The following HS3ST4 variants were observed in gnomAD, a reference collection of about 807,000 sequenced individuals.
HS3ST4 encodes heparan sulfate-glucosamine 3-sulfotransferase 4.
In HS3ST4, 17 loss-of-function variants were observed where a neutral mutation model predicts 29.2. The observed-to-expected ratio is 0.58, with a 90% CI of 0.40 to 0.87. The LOEUF is 0.87. Ranked by LOEUF, HS3ST4 falls within the 40% of genes least tolerant of loss-of-function variation. The probability of loss-of-function intolerance (pLI) is 0.00; values close to 1 mark genes in which losing one functional copy is unlikely to be tolerated. For missense variants in HS3ST4, 627 were observed against 634.5 expected (o/e 0.99, Z 0.13); for synonymous variants, 314 against 285.7 (o/e 1.10, Z -1.00).
chr16:25,707,448 G>A (rs1966383064), intron 1 of HS3ST4, among the ~76,000 whole-genome samples: 1 of 151,990 alleles, frequency 6.6e-6, no homozygotes. Context: ...ATATCTATAG[G>A]GTTTTGTATT....
chr16:25,849,664 C>T (rs1362433488), intron 1 of HS3ST4, among the ~76,000 whole-genome samples: 2 of 152,010 alleles, frequency 1.3e-5, no homozygotes, highest in East Asian at 1.9e-4. Context: ...GCTGCCACAT[C>T]CAGCTAATAT....
rs554134894 is a variant in HS3ST4, at chr16:25,860,098, C to T, written c.734+166947C>T. Among the ~76,000 whole-genome samples the T allele has an allele frequency of 1.4e-4, 22 of 152,280 alleles. No individual in the cohort carries two copies. The South Asian group carries it at 4.1e-3, about 29-fold the overall frequency. On this transcript the variant is annotated intron_variant, in intron 1 of 1. Transcript: ENST00000331351. ...GGAACAGTTTCATCCCGAAACCATC[C>T]TCCTACCCCATTCCTGGAAAAATTG...
At chr16:26,092,175 T>C (rs1898865436) in intron 1 of HS3ST4, among the ~76,000 whole-genome samples, 1 of 152,146 alleles carries the variant, frequency 6.6e-6, no homozygotes, top group African/African-American at 2.4e-5. Context: ...GAGGCACTGT[T>C]CAAGGTTCTG....
intron 1 of HS3ST4, among the ~76,000 whole-genome samples, chr16:25,753,574 C>G (rs1298591771): frequency 4.0e-5 from 6 of 151,668 alleles, no homozygotes; most frequent in Non-Finnish European, 7.3e-5. Flanking sequence ...GGTGAGGAAA[C>G]AGAGGCTTAG....
intron 1 of HS3ST4, among the ~76,000 whole-genome samples, chr16:26,082,724 C>A (rs1898738468): frequency 6.6e-6 from 1 of 152,102 alleles, no homozygotes; most frequent in Admixed American, 6.5e-5. Flanking sequence ...AAGCAGCAAA[C>A]CTAGAGCTTT....
At chr16:25,759,664 C>T (rs1163810440) in intron 1 of HS3ST4, among the ~76,000 whole-genome samples, 1 of 152,182 alleles carries the variant, frequency 6.6e-6, no homozygotes, top group South Asian at 2.1e-4. Flanking sequence ...GTGGCCCATG[C>T]CTGTCATTCC....
chr16:25,920,838 G>A (rs4513103), intron 1 of HS3ST4, among the ~76,000 whole-genome samples: 32,988 of 151,720 alleles, frequency 0.22, 3,872 homozygotes, highest in African/African-American at 0.28. Context: ...GGCTGGTCTC[G>A]AACTCCTGAG....
At chr16:26,028,579 G>T (rs540971988) in intron 1 of HS3ST4, among the ~76,000 whole-genome samples, 1 of 152,218 alleles carries the variant, frequency 6.6e-6, no homozygotes, top group East Asian at 1.9e-4. Context: ...GCCTGAGAGA[G>T]GCTTCTTGAT....
chr16:26,032,543 T>C (rs1273361905), intron 1 of HS3ST4: 6 of 1,444,424 alleles, frequency 4.2e-6, no homozygotes, highest in Non-Finnish European at 5.8e-6. Context: ...CACACTTCAC[T>C]TGGCATCTCC....
intron 1 of HS3ST4, among the ~76,000 whole-genome samples, chr16:25,997,222 G>A (rs777851117): frequency 6.6e-6 from 1 of 152,108 alleles, no homozygotes; most frequent in Non-Finnish European, 1.5e-5. Context: ...CCAGAAAAAT[G>A]CAAAATAATA....
chr16:25,852,198 G>GT (rs1967528689), intron 1 of HS3ST4, among the ~76,000 whole-genome samples: 1 of 152,110 alleles, frequency 6.6e-6, no homozygotes, highest in South Asian at 2.1e-4. Context: ...AGTTTTACTT[G>GT]TTTCTCTTGG....
At chr16:25,930,284 A>T (rs1369331563) in intron 1 of HS3ST4, among the ~76,000 whole-genome samples, 3 of 152,206 alleles carry the variant, frequency 2.0e-5, no homozygotes, top group African/African-American at 7.2e-5. Context: ...GTTTCTAGAT[A>T]GTCCTGGATG....
chr16:25,802,253 A>T (rs1251487988), intron 1 of HS3ST4, among the ~76,000 whole-genome samples: 3 of 152,150 alleles, frequency 2.0e-5, no homozygotes, highest in Non-Finnish European at 4.4e-5. Flanking sequence ...CAACTTTAGA[A>T]TTTTTATTCA....
chr16:25,800,186 G>A (rs1380073828), intron 1 of HS3ST4, among the ~76,000 whole-genome samples: 4 of 151,178 alleles, frequency 2.6e-5, no homozygotes, highest in Non-Finnish European at 5.9e-5. Context: ...TCTTAATGCT[G>A]TTTATTTGAT....
intron 1 of HS3ST4, among the ~76,000 whole-genome samples, chr16:26,022,061 C>T (rs1381895623): frequency 6.6e-6 from 1 of 152,108 alleles, no homozygotes; most frequent in Non-Finnish European, 1.5e-5. Context: ...CTTCTGGGCT[C>T]CAGTGATCTT....
intron 1 of HS3ST4, among the ~76,000 whole-genome samples, chr16:25,970,185 G>A (rs902970354): frequency 2.6e-5 from 4 of 152,330 alleles, no homozygotes; most frequent in African/African-American, 7.2e-5. Flanking sequence ...AGTCTAAAGC[G>A]ATGAATTCTG....
chr16:25,786,372 C>T (rs1205947909), intron 1 of HS3ST4, among the ~76,000 whole-genome samples: 4 of 152,118 alleles, frequency 2.6e-5, no homozygotes, highest in African/African-American at 4.8e-5. Context: ...AGGATATTAT[C>T]GATACCTGCC....
chr16:25,851,374 T>A (rs529411604), intron 1 of HS3ST4, among the ~76,000 whole-genome samples: 1 of 152,290 alleles, frequency 6.6e-6, no homozygotes, highest in African/African-American at 2.4e-5. Flanking sequence ...CCTTCTTATG[T>A]GATATTACAG....
At chr16:26,018,797 A>G (rs1160101697) in intron 1 of HS3ST4, among the ~76,000 whole-genome samples, 2 of 151,898 alleles carry the variant, frequency 1.3e-5, no homozygotes, top group Non-Finnish European at 2.9e-5. Context: ...GTTTCTGAAA[A>G]TCACCAGAAG....
Sources: gnomAD v4.1 joint callset for allele counts (sites outside exome capture counted in the v4.1 genomes callset) on GRCh38, gnomAD v4.1.1 for gene constraint, MANE v1.5 for transcripts, NCBI Gene and HGNC (gene_info 2026-07-23, HGNC 2026-07-21) for gene names.